CARMIL1: variants seen among roughly 807,000 people sequenced by gnomAD.
CARMIL1 encodes capping protein regulator and myosin 1 linker 1, also known as F-actin-uncapping protein LRRC16A.
A neutral mutation model predicts 177.1 loss-of-function variants in CARMIL1; 90 were observed. The observed-to-expected ratio is 0.51, with a 90% CI of 0.43 to 0.61. The LOEUF (loss-of-function observed/expected upper bound fraction) is 0.61. Among genes scored for constraint, CARMIL1 ranks in the 20% least tolerant of loss-of-function variants. CARMIL1 has a pLI of 0.00. For synonymous variants in CARMIL1, 577 were observed against 606.2 expected (o/e 0.95, Z 0.71); for missense variants, 1,380 against 1,667.0 (o/e 0.83, Z 3.00).
chr6:25,315,363 C>T (rs1273149674), intron 2 of CARMIL1, among the ~76,000 whole-genome samples: 1 of 152,244 alleles, frequency 6.6e-6, no homozygotes, highest in Non-Finnish European at 1.5e-5. Flanking sequence ...TTACTGCTCA[C>T]TGTGTGAGGA....
At chr6:25,513,241 GTGTT>G (rs1805635931) in intron 20 of CARMIL1, among the ~76,000 whole-genome samples, 1 of 152,110 alleles carries the variant, frequency 6.6e-6, no homozygotes, top group Admixed American at 6.5e-5. Flanking sequence ...AAAGCATACT[GTGTT>G]TGTTTTTCTT....
chr6:25,281,134 GCGCACA>G (rs1781076112), intron 1 of CARMIL1, among the ~76,000 whole-genome samples: 2 of 67,930 alleles, frequency 2.9e-5, no homozygotes, highest in Non-Finnish European at 5.4e-5. Flanking sequence ...GTGTGCGCGC[GCGCACA>G]CACACACACA....
At chr6:25,594,004 G>A (rs970566665) in intron 31 of CARMIL1, among the ~76,000 whole-genome samples, 3 of 152,116 alleles carry the variant, frequency 2.0e-5, no homozygotes, top group Non-Finnish European at 2.9e-5. Context: ...TCCATCCTTA[G>A]CAGCCAGCCT....
chr6:25,544,011 C>T (rs189925674), intron 26 of CARMIL1, among the ~76,000 whole-genome samples: 14 of 152,116 alleles, frequency 9.2e-5, no homozygotes, highest in African/African-American at 2.6e-4. Context: ...AAAACAAAAT[C>T]GGATTATCAT....
intron 2 of CARMIL1, among the ~76,000 whole-genome samples, chr6:25,306,224 G>A (rs1020322328): frequency 2.0e-5 from 3 of 152,064 alleles, no homozygotes; most frequent in African/African-American, 7.2e-5. Context: ...TCATTTAGCA[G>A]AAGGGTCCCC....
At position 25,471,155 on chromosome 6, in the gene CARMIL1, G is replaced by A; in HGVS notation, c.691-14G>A. 1 of 1,564,268 alleles carries A rather than the reference G, an allele frequency of 6.4e-7. No individual in the cohort carries two copies. The highest frequency in any genetic ancestry group is 1.4e-5 in the African/African-American group (1 of 73,258). On this transcript the variant is annotated splice_polypyrimidine_tract_variant and intron_variant, in intron 9 of 36. Coordinates refer to ENST00000329474, the MANE Select transcript of CARMIL1 (RefSeq NM_017640.6). ...TAGAGTTATGGAATAGTCAAAGAATGTTTTCTGTTACAGTCCACTGATGTC... is the reference window on the plus strand; with the variant it reads ...TAGAGTTATGGAATAGTCAAAGAATATTTTCTGTTACAGTCCACTGATGTC...
chr6:25,453,327 G>A (rs566128674), intron 8 of CARMIL1, among the ~76,000 whole-genome samples: 31 of 151,722 alleles, frequency 2.0e-4, no homozygotes, highest in Non-Finnish European at 3.7e-4. Flanking sequence ...TAGAGGGAAT[G>A]TCTACCAAAT....
At chr6:25,343,746 G>A (rs1414172173) in intron 2 of CARMIL1, among the ~76,000 whole-genome samples, 1 of 151,992 alleles carries the variant, frequency 6.6e-6, no homozygotes, top group South Asian at 2.1e-4. Context: ...TCCTCACCTT[G>A]TCTGGGAGCA....
intron 2 of CARMIL1, among the ~76,000 whole-genome samples, chr6:25,285,522 T>C (rs1781456089): frequency 6.6e-6 from 1 of 152,178 alleles, no homozygotes; most frequent in Admixed American, 6.5e-5. Flanking sequence ...CTTAGAGAGG[T>C]GTCAGTGACA....
intron 8 of CARMIL1, among the ~76,000 whole-genome samples, chr6:25,462,961 T>C (rs1235583480): frequency 6.6e-6 from 1 of 152,202 alleles, no homozygotes; most frequent in Non-Finnish European, 1.5e-5. Context: ...CTCCTTCTAA[T>C]TGTTTTTTTA....
chr6:25,498,495 GTTAAATGCC>G (rs1803966034), intron 16 of CARMIL1, among the ~76,000 whole-genome samples: 1 of 152,086 alleles, frequency 6.6e-6, no homozygotes, highest in African/African-American at 2.4e-5. Context: ...GGCTTCTATA[GTTAAATGCC>G]TTAAAGCATA....
At chr6:25,600,812 G>T (rs1562328724) in intron 33 of CARMIL1, 66 bp downstream of exon 33, 1 of 1,307,468 alleles carries the variant, frequency 7.6e-7, no homozygotes, top group Non-Finnish European at 1.0e-6. Context: ...ACATTTTCAT[G>T]GTGCATGTGA....
rs180926033 is a variant in CARMIL1 at position 25,605,209 on chromosome 6, A to G, written c.3634+316A>G. Among the ~76,000 whole-genome samples the G allele has an allele frequency of 1.5e-4, 23 of 152,288 alleles. No individual in the cohort carries two copies. In the East Asian group the frequency reaches 4.4e-3, roughly 29 times the overall value. ...GAAAAGTTGGGGGTGGGGGCAGCAT[A>G]CAGGATCATGGCTGATGTATTTAAG... On this transcript the variant is annotated intron_variant, in intron 34 of 36. Coordinates refer to ENST00000329474, the MANE Select transcript of CARMIL1 (RefSeq NM_017640.6).
chr6:25,586,303 T>G (rs2151269733), intron 31 of CARMIL1, among the ~76,000 whole-genome samples: 1 of 142,196 alleles, frequency 7.0e-6, no homozygotes, highest in East Asian at 2.1e-4. Context: ...GAGACACTCC[T>G]CAGTTCCCAG....
rs140485527 is a variant in CARMIL1, at chr6:25,480,101, G to A, written c.875-2156G>A. On this transcript the variant is annotated intron_variant, in intron 11 of 36. Coordinates refer to ENST00000329474, the MANE Select transcript of CARMIL1 (RefSeq NM_017640.6). Reference sequence around the variant, plus strand: ...TATGGCTCAGTATATGATTCCTTTTGGAAAATATTTAGTGTGGACTTTGAA... The same window carrying A: ...TATGGCTCAGTATATGATTCCTTTTAGAAAATATTTAGTGTGGACTTTGAA... 4.5e-3 allele frequency among the ~76,000 whole-genome samples: 685 copies of A among 152,036 alleles called. 8 individuals are homozygous for A. The highest frequency in any genetic ancestry group is 0.015 in the African/African-American group (638 of 41,498).
intron 32 of CARMIL1, among the ~76,000 whole-genome samples, chr6:25,597,758 G>T (rs1164026295): frequency 6.6e-6 from 1 of 152,120 alleles, no homozygotes; most frequent in Non-Finnish European, 1.5e-5. Flanking sequence ...CTTAGTTTAT[G>T]CCCCTGTTTT....
At chr6:25,399,613 T>C (rs926884782) in intron 2 of CARMIL1, among the ~76,000 whole-genome samples, 2 of 152,244 alleles carry the variant, frequency 1.3e-5, no homozygotes, top group Admixed American at 6.5e-5. Flanking sequence ...GTTTAACTTA[T>C]TTAACTAAAA....
chr6:25,300,260 C>T (rs534701452), intron 2 of CARMIL1, among the ~76,000 whole-genome samples: 13 of 152,226 alleles, frequency 8.5e-5, no homozygotes, highest in South Asian at 4.2e-4. Flanking sequence ...AATAACAAAT[C>T]CCACCACATA....
intron 2 of CARMIL1, among the ~76,000 whole-genome samples, chr6:25,381,397 C>T (rs1272242520): frequency 1.3e-5 from 2 of 152,298 alleles, no homozygotes; most frequent in Middle Eastern, 3.4e-3. Context: ...ACCAATTCTT[C>T]GACTCTGACA....
Sources: allele counts gnomAD v4.1 joint callset (sites outside exome capture counted in the v4.1 genomes callset), GRCh38; gene constraint gnomAD v4.1.1; transcripts MANE v1.5; gene names NCBI Gene and HGNC (gene_info 2026-07-23, HGNC 2026-07-21).